EGLN1: variants seen among roughly 807,000 people sequenced by gnomAD.
The protein encoded by EGLN1 is egl-9 family hypoxia inducible factor 1, also known as egl nine homolog 1.
EGLN1 carries 17 observed loss-of-function variants against 38.3 expected under a neutral mutation model. The ratio of observed to expected loss-of-function variants is 0.44; its 90% CI spans 0.30 to 0.67. The LOEUF (loss-of-function observed/expected upper bound fraction) is 0.67, where lower values mean the gene tolerates loss of function less well. EGLN1 is among the 30% of genes least tolerant of loss of function. EGLN1 has a pLI of 0.08. For missense variants in EGLN1, 477 were observed against 603.3 expected, an observed-to-expected ratio of 0.79 and a Z score of 2.19; for synonymous variants, 283 against 257.5, an observed-to-expected ratio of 1.10 and a Z score of -0.95.
chr1:231,396,032 TTAAAAAG>T (rs1553353932), intron 1 of EGLN1, among the ~76,000 whole-genome samples: 41 of 41,216 alleles, frequency 9.9e-4, no homozygotes, highest in Non-Finnish European at 2.0e-3. Flanking sequence ...CCCCACTCCT[TTAAAAAG>T]AAAAAAAAAA....
intron 1 of EGLN1, among the ~76,000 whole-genome samples, chr1:231,377,648 T>C (rs761880494): frequency 6.6e-6 from 1 of 152,150 alleles, no homozygotes; most frequent in Non-Finnish European, 1.5e-5. Context: ...CATCCCAGAA[T>C]AGAACAAAAC....
In EGLN1 at chr1:231,386,847, A is replaced by C. The variant is rs570537237; in HGVS notation, c.892-12748T>G. On this transcript the variant is annotated intron_variant, in intron 1 of 4. Transcript: ENST00000366641. Reference sequence around the variant, plus strand: ...GCTAAAGATTGATAGAAGTACTGCTAGCTTGTAAAAATATATATACATATA... The same window carrying C: ...GCTAAAGATTGATAGAAGTACTGCTCGCTTGTAAAAATATATATACATATA... Among the ~76,000 whole-genome samples, 44 of 152,306 alleles carry C rather than the reference A, an allele frequency of 2.9e-4. No homozygotes were observed. The South Asian group carries it at 8.7e-3, about 30-fold the overall frequency.
chr1:231,411,842 C>CA (rs1298982155), intron 1 of EGLN1, among the ~76,000 whole-genome samples: 37 of 150,930 alleles, frequency 2.5e-4, no homozygotes, highest in Admixed American at 1.3e-3. Context: ...ACTAAACATA[C>CA]AAAAAAATTA....
chr1:231,364,967 A>G lies in EGLN1; in HGVS notation c.*1444T>C, dbSNP rs1239848713. 1 of 152,200 alleles carries G rather than the reference A, an allele frequency of 6.6e-6. No homozygotes were observed. The highest frequency in any genetic ancestry group is 1.5e-5 in the Non-Finnish European group (1 of 68,036). 9.4% of individuals were successfully genotyped at this position (152,200 alleles called of 1,614,324 possible). A position where few individuals can be genotyped will look rare whatever the true frequency, so the allele number is the denominator to read the frequency against. On this transcript the variant is annotated 3_prime_UTR_variant, in exon 5 of 5. Coordinates refer to ENST00000366641, the MANE Select transcript of EGLN1 (RefSeq NM_022051.3). ...TTCTAATATTCCTTCCTTGTTTAAA[A>G]AGTAAATAAGAAAACCCATGAAACA...
chr1:231,416,900 A>G (rs1419634756), intron 1 of EGLN1, among the ~76,000 whole-genome samples: 2 of 152,226 alleles, frequency 1.3e-5, no homozygotes, highest in Admixed American at 6.5e-5. Context: ...ATTCTGACAT[A>G]GTTATAAAAT....
chr1:231,396,940 C>T (rs925237388), intron 1 of EGLN1, among the ~76,000 whole-genome samples: 1 of 152,196 alleles, frequency 6.6e-6, no homozygotes, highest in Non-Finnish European at 1.5e-5. Flanking sequence ...TCTCTACCTC[C>T]AATACCTACA....
intron 1 of EGLN1, among the ~76,000 whole-genome samples, chr1:231,413,426 C>T (rs1181719094): frequency 2.6e-5 from 4 of 152,110 alleles, no homozygotes; most frequent in African/African-American, 7.2e-5. Flanking sequence ...CCTGAAAATG[C>T]TCCTCTTCCA....
rs6670024 is a variant in EGLN1, at chr1:231,370,854, T to C, written c.1012-156A>G. On this transcript the variant is annotated intron_variant, in intron 2 of 4. Transcript: ENST00000366641. ...GATGAGCTGCAATTTTAAAAGTATA[T>C]GCACTGATGCAAGGACAAATTTAGT... Among the ~76,000 whole-genome samples, 4,879 of 152,304 alleles carry C rather than the reference T, an allele frequency of 0.032. 260 individuals are homozygous for C. The highest frequency in any genetic ancestry group is 0.11 in the African/African-American group (4,628 of 41,546).
intron 1 of EGLN1, among the ~76,000 whole-genome samples, chr1:231,419,548 ATTT>A (rs1656496513): frequency 6.6e-6 from 1 of 151,996 alleles, no homozygotes; most frequent in African/African-American, 2.4e-5. Context: ...AGATGTGACA[ATTT>A]CTTAAAGTTG....
intron 1 of EGLN1, among the ~76,000 whole-genome samples, chr1:231,419,059 G>A (rs1256870296): frequency 6.6e-6 from 1 of 152,152 alleles, no homozygotes; most frequent in Non-Finnish European, 1.5e-5. Flanking sequence ...CAGCCAAGAA[G>A]TACAATGAAA....
chr1:231,387,963 T>C (rs933639599), intron 1 of EGLN1, among the ~76,000 whole-genome samples: 1 of 152,226 alleles, frequency 6.6e-6, no homozygotes, highest in African/African-American at 2.4e-5. Context: ...TCACAATGTT[T>C]GCTGAACCTG....
chr1:231,386,794 A>G (rs1196903994), intron 1 of EGLN1, among the ~76,000 whole-genome samples: 1 of 152,216 alleles, frequency 6.6e-6, no homozygotes, highest in Admixed American at 6.5e-5. Context: ...TACAATTTTA[A>G]AACAGAAGGT....
intron 3 of EGLN1, among the ~76,000 whole-genome samples, chr1:231,368,174 G>A (rs975559537): frequency 6.6e-6 from 1 of 152,150 alleles, no homozygotes; most frequent in African/African-American, 2.4e-5. Context: ...CTAGGTGACA[G>A]AGTGAGCCTC....
chr1:231,407,548 A>G (rs147041508), intron 1 of EGLN1, among the ~76,000 whole-genome samples: 154 of 152,274 alleles, frequency 1.0e-3, no homozygotes, highest in African/African-American at 3.6e-3. Context: ...AGGTCTTATA[A>G]AAAGGGTATA....
At chr1:231,420,903 G>A (rs1041935030) in intron 1 of EGLN1, 95 bp downstream of exon 1, 6 of 1,610,074 alleles carry the variant, frequency 3.7e-6, no homozygotes, top group South Asian at 1.1e-5. Context: ...TCTATATAGA[G>A]GAATGCTGCT....
chr1:231,411,616 A>C (rs1365038491), intron 1 of EGLN1, among the ~76,000 whole-genome samples: 1 of 152,116 alleles, frequency 6.6e-6, no homozygotes, highest in Non-Finnish European at 1.5e-5. Context: ...TTTAAAAATT[A>C]TTTCATACCT....
chr1:231,420,739 C>T (rs1443375812), intron 1 of EGLN1, among the ~76,000 whole-genome samples: 1 of 152,112 alleles, frequency 6.6e-6, no homozygotes, highest in Non-Finnish European at 1.5e-5. Context: ...AAAGCGCCTA[C>T]GTTGAGTCAA....
intron 1 of EGLN1, among the ~76,000 whole-genome samples, chr1:231,394,323 T>C (rs1303212681): frequency 6.6e-6 from 1 of 152,080 alleles, no homozygotes; most frequent in Non-Finnish European, 1.5e-5. Flanking sequence ...TTCCTCAAAA[T>C]GGTTATTTCA....
rs200401351 is a variant in EGLN1 at position 231,368,189 on chromosome 1, T to TA, written c.1149-554dup. On this transcript the variant is annotated intron_variant, in intron 3 of 4. Coordinates refer to ENST00000366641, the MANE Select transcript of EGLN1 (RefSeq NM_022051.3). The stretch of plus-strand genomic sequence containing the variant: ...CTAGGTGACAGAGTGAGCCTCCCTC[T>TA]AAAAAAAAAGAGAGACAATAAAAGG... 2.1e-3 allele frequency among the ~76,000 whole-genome samples: 312 copies of TA among 150,206 alleles called. 2 individuals carry two copies. Among genetic ancestry groups the TA allele is most frequent in the Admixed American group, 4.4e-3 (66 of 15,064 alleles).
Sources: allele counts gnomAD v4.1 joint callset (sites outside exome capture counted in the v4.1 genomes callset), GRCh38; gene constraint gnomAD v4.1.1; transcripts MANE v1.5; gene names NCBI Gene and HGNC (gene_info 2026-07-23, HGNC 2026-07-21).